Variants in ZC3H7B observed in about 807,000 individuals in gnomAD.
ZC3H7B encodes the protein zinc finger CCCH domain-containing protein 7B.
ZC3H7B carries 35 observed loss-of-function variants against 116.0 expected under a neutral mutation model. The observed-to-expected ratio is 0.30, with a 90% confidence interval of 0.23 to 0.40. The LOEUF (loss-of-function observed/expected upper bound fraction) is 0.40, where lower values mean the gene tolerates loss of function less well. Ranked by LOEUF, ZC3H7B falls within the 10% of genes least tolerant of loss-of-function variation. ZC3H7B has a pLI of 1.00. For synonymous variants in ZC3H7B, 502 were observed against 545.6 expected (o/e 0.92, Z 1.11); for missense variants, 1,011 against 1,321.5 (o/e 0.77, Z 3.64).
chr22:41,337,682 C>A (rs565433976), intron 7 of ZC3H7B, among the ~76,000 whole-genome samples: 2 of 152,306 alleles, frequency 1.3e-5, no homozygotes, highest in South Asian at 4.1e-4. Context: ...CCCTTGCCAC[C>A]TTCACCGGGG....
At chr22:41,306,440 C>T (rs1359028353) in intron 1 of ZC3H7B, among the ~76,000 whole-genome samples, 3 of 146,158 alleles carry the variant, frequency 2.1e-5, no homozygotes, top group African/African-American at 7.5e-5. Context: ...ATGGCACGAT[C>T]TTGGCTCACT....
intron 1 of ZC3H7B, among the ~76,000 whole-genome samples, chr22:41,308,094 C>T (rs1261248456): frequency 6.6e-6 from 1 of 152,162 alleles, no homozygotes; most frequent in Non-Finnish European, 1.5e-5. Context: ...ACCCAGTCCA[C>T]AATGTGACTT....
chr22:41,322,072 C>T (rs1262786874), intron 2 of ZC3H7B, among the ~76,000 whole-genome samples: 26 of 151,272 alleles, frequency 1.7e-4, no homozygotes, highest in Non-Finnish European at 2.9e-4. Context: ...ATCTCCTGAC[C>T]TCGTGATCCG....
At chr22:41,341,711 C>T (rs944757776) in intron 11 of ZC3H7B, among the ~76,000 whole-genome samples, 5 of 151,856 alleles carry the variant, frequency 3.3e-5, no homozygotes, top group African/African-American at 1.2e-4. Context: ...CCACTGCATT[C>T]CAGCCTGGGC....
In ZC3H7B at chr22:41,340,084, T is replaced by G; in HGVS notation, c.1085T>G (p.Leu362Arg). Residue 362 changes from leucine (L) to arginine (R), a missense_variant, in exon 10 of 23, where the codon CTC (leucine) becomes CGC (arginine). Physicochemically the swap from Leu to Arg is moderately radical, Grantham distance 102 (BLOSUM62 -2). This residue lies in a region of ZC3H7B where 99 missense variants were observed against 89.5 expected (regional missense o/e 1.11). Transcript: ENST00000352645. ...LPYSETRLDA[L>R]DSFGSTRGSL... ...TACTCGGAGACCCGGCTGGATGCAC[T>G]CGACAGCTTTGGGTCGACACGAGGC... is the stretch of plus-strand genomic sequence containing the variant. The G allele has an allele frequency of 1.9e-6, 3 of 1,612,108 alleles. No individual in the cohort carries two copies. The highest frequency in any genetic ancestry group is 2.5e-6 in the Non-Finnish European group (3 of 1,179,854).
chr22:41,336,757 T>G (rs1376237556), intron 7 of ZC3H7B: 3 of 152,014 alleles, frequency 2.0e-5, no homozygotes, highest in African/African-American at 7.3e-5. Flanking sequence ...GATTAGAGAA[T>G]CACTTGAATG....
At chr22:41,355,182 C>T (rs908120638) in intron 17 of ZC3H7B, among the ~76,000 whole-genome samples, 3 of 152,150 alleles carry the variant, frequency 2.0e-5, no homozygotes, top group Non-Finnish European at 4.4e-5. Flanking sequence ...GGAGGTGTGG[C>T]GGAACGGAGC....
At position 41,339,890 on chromosome 22, in the gene ZC3H7B, C is replaced by T. The variant is rs200501109; in HGVS notation, c.891C>T (p.Gly297=). ...CCCAGCTGATACCCGTGTTCCCCGG[C>T]GGGACCCCACTGCTACCACCTGTGG... ...ELPQLIPVFP[G]GTPLLPPVVG... Residue 297 remains glycine (G), a synonymous_variant, in exon 10 of 23, where the codon GGC becomes GGT. Coordinates refer to ENST00000352645, the MANE Select transcript of ZC3H7B (RefSeq NM_017590.6). The T allele has an allele frequency of 6.3e-5, 101 of 1,613,708 alleles. No individual in the cohort carries two copies. The highest frequency in any genetic ancestry group is 8.9e-5 in the East Asian group (4 of 44,844).
chr22:41,305,463 T>A (rs1208083142), intron 1 of ZC3H7B, among the ~76,000 whole-genome samples: 1 of 149,120 alleles, frequency 6.7e-6, no homozygotes, highest in East Asian at 2.0e-4. Context: ...TGAGCCAAGA[T>A]CACGCCACTG....
intron 1 of ZC3H7B, among the ~76,000 whole-genome samples, chr22:41,309,305 C>T (rs867224630): frequency 6.6e-6 from 1 of 150,484 alleles, no homozygotes; most frequent in Non-Finnish European, 1.5e-5. Context: ...CCACCGCGCC[C>T]GGCCTGCTTT....
chr22:41,320,846 C>T (rs1215282267), intron 2 of ZC3H7B, 133 bp downstream of exon 2: 19 of 1,250,604 alleles, frequency 1.5e-5, no homozygotes, highest in Admixed American at 3.9e-5. Flanking sequence ...CGCTGGGGTG[C>T]GGGCAGGTGG....
intron 20 of ZC3H7B, 118 bp downstream of exon 20, chr22:41,356,180 T>C: frequency 1.4e-6 from 2 of 1,452,146 alleles, no homozygotes; most frequent in Non-Finnish European, 9.3e-7. Context: ...TGGGCCCTTC[T>C]CCACCTGCCC....
At chr22:41,309,040 T>C (rs2036083999) in intron 1 of ZC3H7B, among the ~76,000 whole-genome samples, 1 of 129,746 alleles carries the variant, frequency 7.7e-6, no homozygotes, top group Non-Finnish European at 1.7e-5. Context: ...GAGACGGAGT[T>C]TCGCTCTGTC....
Position 41,351,625 on chromosome 22 carries a change from G to C in ZC3H7B, c.2013G>C (p.Ala671=). ...ACTGGCAGCAGATGGAGGCGCATGC[G>C]GGGAAGGCCAGCAGCAGCATGGTAA... ...KKYWQQMEAH[A]GKASSSMGAP... The change falls in exon 17 of 23, where the codon GCG becomes GCC. Residue 671 remains alanine, a synonymous_variant. Coordinates refer to ENST00000352645, the MANE Select transcript of ZC3H7B (RefSeq NM_017590.6). This position sits in a 1 kb window ranked among gnomAD's most constrained non-coding sequence, Gnocchi z 5.1. The C allele has an allele frequency of 6.2e-7, 1 of 1,613,894 alleles. No homozygotes were observed. Among genetic ancestry groups the C allele is most frequent in the South Asian group, 1.1e-5 (1 of 91,040 alleles).
chr22:41,341,169 C>T (rs1734912435), intron 11 of ZC3H7B, 23 bp downstream of exon 11: 3 of 1,613,640 alleles, frequency 1.9e-6, no homozygotes, highest in African/African-American at 2.7e-5. Flanking sequence ...AGTGGGGATC[C>T]AGGCCTCTCA....
In ZC3H7B at chr22:41,338,800, C is replaced by T. The variant is rs968925897; in HGVS notation, c.626-201C>T. Among the ~76,000 whole-genome samples, 1 of 152,172 alleles carries T rather than the reference C, an allele frequency of 6.6e-6. No homozygotes were observed. Among genetic ancestry groups the T allele is most frequent in the Non-Finnish European group, 1.5e-5 (1 of 68,030 alleles). On this transcript the variant is annotated intron_variant, in intron 8 of 22. Transcript: ENST00000352645. The surrounding 1 kb of genome is among the most constrained non-coding windows in gnomAD (Gnocchi z 4.5). ...GATTGACATCATAGGACTGAGGGCCCCTCCCTGCTCTGGGGCTGTGGCCTT... is the reference window on the plus strand; with the variant it reads ...GATTGACATCATAGGACTGAGGGCCTCTCCCTGCTCTGGGGCTGTGGCCTT...
intron 1 of ZC3H7B, among the ~76,000 whole-genome samples, chr22:41,315,522 T>A (rs1375632058): frequency 6.6e-6 from 1 of 152,090 alleles, no homozygotes; most frequent in Non-Finnish European, 1.5e-5. Flanking sequence ...TTTTAACCAC[T>A]GTGTTAGTCT....
chr22:41,323,074 T>C (rs578049690), intron 2 of ZC3H7B, among the ~76,000 whole-genome samples: 105 of 152,336 alleles, frequency 6.9e-4, no homozygotes, highest in Non-Finnish European at 6.2e-4. Context: ...CAGTCACTTT[T>C]CCTGGCCGCT....
chr22:41,314,380 C>T (rs926355857), intron 1 of ZC3H7B, among the ~76,000 whole-genome samples: 2 of 151,874 alleles, frequency 1.3e-5, no homozygotes, highest in African/African-American at 4.8e-5. Flanking sequence ...TGGTCTCGAA[C>T]TCCTGACCTC....
Sources: gnomAD v4.1 joint callset for allele counts (sites outside exome capture counted in the v4.1 genomes callset) on GRCh38, gnomAD v4.1.1 for gene constraint, gnomAD v4.1.1 regional missense constraint, Gnocchi (gnomAD v3.1) non-coding constraint, MANE v1.5 for transcripts, NCBI Gene and HGNC (gene_info 2026-07-23, HGNC 2026-07-21) for gene names.